CTNNA2: variants seen among roughly 807,000 people sequenced by gnomAD.
CTNNA2 encodes the protein catenin alpha 2.
Under a neutral mutation model 101.0 loss-of-function variants are expected in CTNNA2, and 42 were observed. The observed-to-expected ratio is 0.42, with a 90% CI of 0.32 to 0.54. The LOEUF is 0.54. Among genes scored for constraint, CTNNA2 ranks in the 20% least tolerant of loss-of-function variants. The pLI, the probability that CTNNA2 is intolerant of heterozygous loss-of-function variation, is 0.14. For missense variants in CTNNA2, 871 were observed against 1,223.1 expected (o/e 0.71, Z 4.29); for synonymous variants, 450 against 456.4 (o/e 0.99, Z 0.18).
At chr2:79,578,120 A>G (rs2103876921) in intron 1 of CTNNA2, among the ~76,000 whole-genome samples, 1 of 152,300 alleles carries the variant, frequency 6.6e-6, no homozygotes, top group Non-Finnish European at 1.5e-5. Context: ...AAGCTATTAT[A>G]ACACTTCATA....
Position 80,630,945 on chromosome 2 carries a change from G to A in CTNNA2, c.2574+11717G>A, listed in dbSNP as rs142331662. On this transcript the variant is annotated intron_variant, in intron 18 of 18. Coordinates refer to ENST00000402739, the MANE Select transcript of CTNNA2 (RefSeq NM_001282597.3). ...AGCATTCGTTTTTTAAAAGAAAATT[G>A]GAGAACTGTAACAGGCAGTGACTTC... Among the ~76,000 whole-genome samples, 230 of 152,232 alleles carry A rather than the reference G, an allele frequency of 1.5e-3. 3 individuals are homozygous for A. The highest frequency in any genetic ancestry group is 5.3e-3 in the African/African-American group (222 of 41,542).
At chr2:80,486,293 ATCACAT>A (rs1477885389) in intron 9 of CTNNA2, among the ~76,000 whole-genome samples, 7 of 152,176 alleles carry the variant, frequency 4.6e-5, no homozygotes, top group African/African-American at 1.4e-4. Flanking sequence ...CAAAGGCAAT[ATCACAT>A]AGTGACTAAT....
chr2:80,125,841 G>T (rs1558832131), intron 7 of CTNNA2, among the ~76,000 whole-genome samples: 1 of 152,164 alleles, frequency 6.6e-6, no homozygotes, highest in African/African-American at 2.4e-5. Flanking sequence ...AAGGCAAAAT[G>T]ATATCCACAC....
intron 7 of CTNNA2, among the ~76,000 whole-genome samples, chr2:80,136,579 T>C (rs1702710744): frequency 6.6e-6 from 1 of 152,186 alleles, no homozygotes; most frequent in African/African-American, 2.4e-5. Context: ...CGTTCTGAGC[T>C]TGTGCCTTAC....
rs1165637780 is a variant in CTNNA2 at position 80,555,901 on chromosome 2, T to C, written c.1741+8T>C. On this transcript the variant is annotated splice_region_variant and intron_variant, in intron 12 of 18. Transcript: ENST00000402739. ...AATTGCTTTCTGAAACAGGTAAGCA[T>C]GGGTATTGGGTCTGGCCAAAATGTT... is the stretch of plus-strand genomic sequence containing the variant. 2 of 1,515,302 alleles carry C rather than the reference T, an allele frequency of 1.3e-6. No individual in the cohort carries two copies. The allele number at this position is 1,515,302 out of a possible 1,614,324, so 93.9% of individuals were successfully genotyped here. A position where few individuals can be genotyped will look rare whatever the true frequency, so the allele number is the denominator to read the frequency against.
chr2:80,644,031 T>C (rs1673778957), intron 18 of CTNNA2, among the ~76,000 whole-genome samples: 1 of 152,148 alleles, frequency 6.6e-6, no homozygotes, highest in African/African-American at 2.4e-5. Flanking sequence ...AAAGAGTTCA[T>C]TTTGGATAGG....
chr2:80,441,095 G>A (rs1351053999), intron 9 of CTNNA2, among the ~76,000 whole-genome samples: 1 of 152,160 alleles, frequency 6.6e-6, no homozygotes, highest in East Asian at 1.9e-4. Flanking sequence ...AACATCCATG[G>A]ACTAAAGAAA....
intron 4 of CTNNA2, among the ~76,000 whole-genome samples, chr2:79,380,310 A>C (rs192303317): frequency 6.7e-6 from 1 of 150,062 alleles, no homozygotes; most frequent in African/African-American, 2.5e-5. Context: ...TTGTTCAGGG[A>C]TGAGAGGTTT....
intron 7 of CTNNA2, among the ~76,000 whole-genome samples, chr2:80,335,165 T>C (rs931552221): frequency 3.3e-5 from 5 of 152,220 alleles, no homozygotes; most frequent in Non-Finnish European, 7.3e-5. Flanking sequence ...AAACTTTCAT[T>C]AGAGCCCGTC....
intron 2 of CTNNA2, among the ~76,000 whole-genome samples, chr2:79,267,682 G>A (rs1170210338): frequency 6.6e-6 from 1 of 152,120 alleles, no homozygotes; most frequent in African/African-American, 2.4e-5. Context: ...AGCTGTAGTG[G>A]GACCTCGAGA....
chr2:80,146,768 A>G (rs1219169471), intron 7 of CTNNA2, among the ~76,000 whole-genome samples: 1 of 104,090 alleles, frequency 9.6e-6, no homozygotes, highest in Non-Finnish European at 1.7e-5. Context: ...TCTGTCACCC[A>G]GGCTGGACTG....
chr2:80,544,168 TCTTGCTTCCC>T (rs1446255157), intron 9 of CTNNA2, among the ~76,000 whole-genome samples: 1 of 151,986 alleles, frequency 6.6e-6, no homozygotes, highest in Admixed American at 6.6e-5. Context: ...AATTTGAATG[TCTTGCTTCCC>T]CTTCCCTCCT....
intron 7 of CTNNA2, among the ~76,000 whole-genome samples, chr2:80,242,305 C>G (rs1206855521): frequency 6.6e-6 from 1 of 152,164 alleles, no homozygotes; most frequent in Non-Finnish European, 1.5e-5. Flanking sequence ...TTTGCACAAC[C>G]TGAAAATGAT....
At chr2:79,472,317 G>T (rs1031474618) in intron 4 of CTNNA2, among the ~76,000 whole-genome samples, 2 of 152,176 alleles carry the variant, frequency 1.3e-5, no homozygotes, top group Non-Finnish European at 2.9e-5. Context: ...GTGCAGCCCT[G>T]CCAGGCAGGA....
At chr2:79,611,309 T>C (rs948051928) in intron 1 of CTNNA2, among the ~76,000 whole-genome samples, 3 of 152,146 alleles carry the variant, frequency 2.0e-5, no homozygotes, top group Non-Finnish European at 4.4e-5. Context: ...GCTCCTATTA[T>C]GTTAACTTCC....
chr2:79,268,510 T>G (rs1263711616), intron 2 of CTNNA2, among the ~76,000 whole-genome samples: 1 of 152,252 alleles, frequency 6.6e-6, no homozygotes, highest in African/African-American at 2.4e-5. Flanking sequence ...CTGCTCACAC[T>G]AATTAATTAT....
chr2:80,315,480 T>C (rs1432119041), intron 7 of CTNNA2, among the ~76,000 whole-genome samples: 2 of 152,186 alleles, frequency 1.3e-5, no homozygotes, highest in Non-Finnish European at 2.9e-5. Flanking sequence ...ATTGGCAGCC[T>C]GTTGGCTGGG....
chr2:79,769,394 C>T (rs1236225577), intron 3 of CTNNA2, among the ~76,000 whole-genome samples: 1 of 152,168 alleles, frequency 6.6e-6, no homozygotes, highest in Non-Finnish European at 1.5e-5. Flanking sequence ...GATGACTCTG[C>T]AGGCCACTTC....
chr2:79,761,922 T>G lies in CTNNA2; in HGVS notation c.298+17340T>G, dbSNP rs1221676233. On this transcript the variant is annotated intron_variant, in intron 3 of 18. Coordinates refer to ENST00000402739, the MANE Select transcript of CTNNA2 (RefSeq NM_001282597.3). Reference sequence around the variant, plus strand: ...TGGTCTTTAACTATAAGTGTGAGTATTATAACTAATACATCTCTTTTTTAT... The same window carrying G: ...TGGTCTTTAACTATAAGTGTGAGTAGTATAACTAATACATCTCTTTTTTAT... Among the ~76,000 whole-genome samples the G allele has an allele frequency of 2.0e-5, 3 of 152,208 alleles. No individual in the cohort carries two copies. In the East Asian group the frequency reaches 5.8e-4, roughly 29 times the overall value.
Sources: gnomAD v4.1 joint callset for allele counts (sites outside exome capture counted in the v4.1 genomes callset) on GRCh38, gnomAD v4.1.1 for gene constraint, MANE v1.5 for transcripts, NCBI Gene and HGNC (gene_info 2026-07-23, HGNC 2026-07-21) for gene names.